Variants in NEO1 observed in about 807,000 individuals in gnomAD.
NEO1 encodes neogenin 1, also known as neogenin.
Under a neutral mutation model 159.7 loss-of-function variants are expected in NEO1, and 63 were observed. The observed-to-expected ratio is 0.39, with a 90% CI of 0.32 to 0.49. The LOEUF is 0.49. NEO1 is among the 20% of genes least tolerant of loss of function. The pLI, the probability that NEO1 is intolerant of heterozygous loss-of-function variation, is 0.85. For missense variants in NEO1, 1,615 were observed against 1,831.0 expected, an observed-to-expected ratio of 0.88 and a Z score of 2.15; for synonymous variants, 633 against 662.0, an observed-to-expected ratio of 0.96 and a Z score of 0.67.
intron 1 of NEO1, among the ~76,000 whole-genome samples, chr15:73,060,821 G>C (rs2067940569): frequency 6.8e-6 from 1 of 146,904 alleles, no homozygotes; most frequent in Non-Finnish European, 1.5e-5. Context: ...TAATTTTTTT[G>C]GGTATTTTTG....
Position 73,160,250 on chromosome 15 carries a change from C to T in NEO1, c.1016-16153C>T, listed in dbSNP as rs533598017. 4.5e-4 allele frequency among the ~76,000 whole-genome samples: 68 copies of T among 152,176 alleles called. 1 individual carries two copies. The highest frequency in any genetic ancestry group is 7.9e-4 in the Non-Finnish European group (54 of 68,032). On this transcript the variant is annotated intron_variant, in intron 5 of 28. Transcript: ENST00000261908. ...TCTACTTTCTGCTCAACGCAGAAAA[C>T]CTCTGTGATCCCAGAATGTGGGGGT...
At chr15:73,160,360 T>G (rs1271596754) in intron 5 of NEO1, among the ~76,000 whole-genome samples, 1 of 152,178 alleles carries the variant, frequency 6.6e-6, no homozygotes, top group Admixed American at 6.5e-5. Context: ...TACCTACCTT[T>G]CTATTTTTCT....
intron 9 of NEO1, 100 bp from the exon 10 acceptor site, chr15:73,248,960 T>A: frequency 9.1e-7 from 1 of 1,104,692 alleles, no homozygotes; most frequent in Non-Finnish European, 1.3e-6. Flanking sequence ...TAGCTTCTAT[T>A]ATTTTAAAAA....
chr15:73,135,833 A>T, intron 4 of NEO1, 58 bp from the exon 5 acceptor site: 1 of 1,388,890 alleles, frequency 7.2e-7, no homozygotes, highest in East Asian at 2.6e-5. Flanking sequence ...AGAGTTTTTC[A>T]GGTATTATTT....
At chr15:73,197,601 C>G (rs2036599587) in intron 7 of NEO1, among the ~76,000 whole-genome samples, 1 of 151,404 alleles carries the variant, frequency 6.6e-6, no homozygotes, top group Non-Finnish European at 1.5e-5. Context: ...GTTTTATCAG[C>G]AGGAAACATT....
At chr15:73,212,659 T>A (rs143694432) in intron 7 of NEO1, among the ~76,000 whole-genome samples, 242 of 152,074 alleles carry the variant, frequency 1.6e-3, no homozygotes, top group African/African-American at 5.5e-3. Flanking sequence ...CAATTTGTCT[T>A]ACAGAAATAT....
At chr15:73,086,557 A>G (rs546146081) in intron 1 of NEO1, among the ~76,000 whole-genome samples, 1 of 128,742 alleles carries the variant, frequency 7.8e-6, no homozygotes, top group East Asian at 2.3e-4. Context: ...TGAATATAGT[A>G]TGTCTTTTTT....
At chr15:73,214,316 C>T (rs1269994905) in intron 7 of NEO1, among the ~76,000 whole-genome samples, 1 of 152,136 alleles carries the variant, frequency 6.6e-6, no homozygotes, top group Non-Finnish European at 1.5e-5. Context: ...ATTGCATTTG[C>T]ATTTGGGTTC....
At chr15:73,099,107 C>G (rs575353407) in intron 1 of NEO1, among the ~76,000 whole-genome samples, 15 of 152,132 alleles carry the variant, frequency 9.9e-5, no homozygotes, top group South Asian at 2.1e-4. Context: ...CCTGGAGATG[C>G]ATTTACAACT....
chr15:73,165,895 A>G (rs2034537888), intron 5 of NEO1, among the ~76,000 whole-genome samples: 1 of 152,146 alleles, frequency 6.6e-6, no homozygotes. Flanking sequence ...GAGTTATTCC[A>G]TATCGCTTTG....
intron 7 of NEO1, among the ~76,000 whole-genome samples, chr15:73,198,946 TA>T (rs2036696356): frequency 6.6e-6 from 1 of 151,300 alleles, no homozygotes; most frequent in South Asian, 2.1e-4. Flanking sequence ...TTGTCACAAA[TA>T]ACCAACATTG....
chr15:73,103,836 A>T (rs537882332), intron 1 of NEO1, among the ~76,000 whole-genome samples: 2 of 152,130 alleles, frequency 1.3e-5, no homozygotes. Context: ...CCTTAGTAAT[A>T]TTTTTGAAAG....
chr15:73,228,605 A>G lies in NEO1; in HGVS notation c.1292-7742A>G, dbSNP rs78074496. On this transcript the variant is annotated intron_variant, in intron 7 of 28. Coordinates refer to ENST00000261908, the MANE Select transcript of NEO1 (RefSeq NM_002499.4). Reference sequence around the variant, plus strand: ...TTTTCTGGGTTTTTTTTAGTGCAGAAGTATTTGTTTTTAATAGAATCCAAT... The same window carrying G: ...TTTTCTGGGTTTTTTTTAGTGCAGAGGTATTTGTTTTTAATAGAATCCAAT... Among the ~76,000 whole-genome samples the G allele has an allele frequency of 8.6e-3, 1,308 of 151,370 alleles. 23 individuals are homozygous for G. The highest frequency in any genetic ancestry group is 0.03 in the African/African-American group (1,236 of 41,264).
At position 73,293,525 on chromosome 15, in the gene NEO1, T is replaced by C. The variant is rs1191478660; in HGVS notation, c.3878T>C (p.Leu1293Pro). The C allele has an allele frequency of 6.2e-7, 1 of 1,614,014 alleles. No individual in the cohort carries two copies. Among genetic ancestry groups the C allele is most frequent in the Admixed American group, 1.7e-5 (1 of 59,988 alleles). Residue 1293 changes from leucine (L) to proline (P), a missense_variant, in exon 26 of 29, where the codon CTT becomes CCT. Transcript: ENST00000261908. ...TGGCCCATTGGCACATCCATGTCCC[T>C]TTCAGACAGGGCCAATTCCACAGGT... ...SPWPIGTSMS[L>P]SDRANSTESV... is the part of the protein sequence containing the mutation.
rs992427101 is a variant in NEO1, at chr15:73,274,672, C to T, written c.3161-20C>T. The T allele has an allele frequency of 1.9e-6, 3 of 1,613,136 alleles. No homozygotes were observed. ...TGATCCTTGCTCTTGTTTTTTCTTC[C>T]CCTGTGCTTGGCCTGTTAGCGGACT... is the stretch of plus-strand genomic sequence containing the variant. On this transcript the variant is annotated intron_variant, in intron 20 of 28. Coordinates refer to ENST00000261908, the MANE Select transcript of NEO1 (RefSeq NM_002499.4).
chr15:73,227,946 T>A (rs2038684498), intron 7 of NEO1, among the ~76,000 whole-genome samples: 1 of 152,200 alleles, frequency 6.6e-6, no homozygotes, highest in South Asian at 2.1e-4. Flanking sequence ...TTGGTACAGT[T>A]ACAATGGGTG....
intron 1 of NEO1, among the ~76,000 whole-genome samples, chr15:73,065,327 T>G (rs2068162997): frequency 6.6e-6 from 1 of 152,122 alleles, no homozygotes. Flanking sequence ...ATCTCTGATC[T>G]TTCATCTGGG....
In NEO1 at chr15:73,244,390, A is replaced by G; in HGVS notation, c.1498A>G (p.Ile500Val). Residue 500 changes from isoleucine (I) to valine (V), a missense_variant, in exon 9 of 29, where the codon ATT becomes GTT. Ile to Val is a conservative substitution (Grantham distance 29, BLOSUM62 3). Transcript: ENST00000261908. ...TCACCCAGGAGAGATGCAAGTAACC[A>G]TTCAAAACCTAATGCCAGCGACCGT... ...TSHPGEMQVT[I>V]QNLMPATVYI... 1.2e-6 allele frequency: 2 copies of G among 1,614,006 alleles called. No individual in the cohort carries two copies.
intron 5 of NEO1, among the ~76,000 whole-genome samples, chr15:73,175,831 A>G (rs1242581823): frequency 6.6e-6 from 1 of 152,224 alleles, no homozygotes; most frequent in Non-Finnish European, 1.5e-5. Flanking sequence ...AAAGGGAGCT[A>G]CTGGAATATT....
Sources: gnomAD v4.1 joint callset for allele counts (sites outside exome capture counted in the v4.1 genomes callset) on GRCh38, gnomAD v4.1.1 for gene constraint, MANE v1.5 for transcripts, NCBI Gene and HGNC (gene_info 2026-07-23, HGNC 2026-07-21) for gene names.